SGCZ: variants seen among roughly 807,000 people sequenced by gnomAD.
The protein encoded by SGCZ is sarcoglycan zeta, also known as zeta-sarcoglycan.
A neutral mutation model predicts 41.3 loss-of-function variants in SGCZ; 40 were observed. That is an observed-to-expected ratio of 0.97 (90% CI 0.75 to 1.26). SGCZ has a LOEUF of 1.26. SGCZ is among the 50% of genes most tolerant of loss of function. SGCZ has a pLI of 0.00. For missense variants in SGCZ, 552 were observed against 369.8 expected, an observed-to-expected ratio of 1.49 and a Z score of -4.04; for synonymous variants, 206 against 137.5, an observed-to-expected ratio of 1.50 and a Z score of -3.49.
intron 2 of SGCZ, chr8:14,487,746 T>A (rs1801716192): frequency 1.3e-5 from 2 of 152,218 alleles, no homozygotes; most frequent in African/African-American, 4.8e-5. Context: ...TTTTAAGGTA[T>A]TCGTACCTCA....
At chr8:14,295,309 T>C (rs1585330608) in intron 3 of SGCZ, among the ~76,000 whole-genome samples, 2 of 152,170 alleles carry the variant, frequency 1.3e-5, no homozygotes, top group South Asian at 4.1e-4. Context: ...CAGAACTCAC[T>C]GTAGTAGCTG....
chr8:14,273,947 C>T (rs1800143097), intron 3 of SGCZ, among the ~76,000 whole-genome samples: 1 of 152,116 alleles, frequency 6.6e-6, no homozygotes, highest in African/African-American at 2.4e-5. Context: ...AGCAAACATA[C>T]CTACAAATTT....
chr8:14,737,931 A>C (rs1799094173), intron 1 of SGCZ, among the ~76,000 whole-genome samples: 1 of 152,124 alleles, frequency 6.6e-6, no homozygotes. Context: ...ATTCTATATT[A>C]AAAGCCAACC....
rs555669335 is a variant in SGCZ, at chr8:14,375,073, T to C, written c.235-50869A>G. 3.3e-5 allele frequency among the ~76,000 whole-genome samples: 5 copies of C among 151,932 alleles called. No homozygotes were observed. In the East Asian group the frequency reaches 5.8e-4, roughly 18 times the overall value. On this transcript the variant is annotated intron_variant, in intron 2 of 7. Transcript: ENST00000382080. ...AGTCACTGCAGAAGAGCTGAGGGAA[T>C]TGAGAGGCCAGAAAAGGGGGACAAT...
intron 1 of SGCZ, among the ~76,000 whole-genome samples, chr8:14,845,038 C>A (rs1234313684): frequency 1.3e-5 from 2 of 152,132 alleles, no homozygotes; most frequent in South Asian, 4.1e-4. Flanking sequence ...GAGACAAGAG[C>A]TGCATAGAGG....
intron 1 of SGCZ, among the ~76,000 whole-genome samples, chr8:14,871,998 A>C (rs1804174051): frequency 6.6e-6 from 1 of 151,936 alleles, no homozygotes; most frequent in South Asian, 2.1e-4. Flanking sequence ...ATAAAAAAGG[A>C]TGAGTTCATG....
chr8:14,568,924 G>C (rs1214961651), intron 1 of SGCZ, among the ~76,000 whole-genome samples: 1 of 152,186 alleles, frequency 6.6e-6, no homozygotes, highest in East Asian at 1.9e-4. Context: ...GGCATGGTGG[G>C]AGGAAGTGAA....
intron 2 of SGCZ, among the ~76,000 whole-genome samples, chr8:14,521,511 A>C (rs1312807997): frequency 6.6e-6 from 1 of 152,138 alleles, no homozygotes; most frequent in Non-Finnish European, 1.5e-5. Context: ...GCTGATTCAT[A>C]TTCCACAGTG....
chr8:15,070,358 A>G (rs1003221412), intron 1 of SGCZ, among the ~76,000 whole-genome samples: 1 of 152,216 alleles, frequency 6.6e-6, no homozygotes, highest in African/African-American at 2.4e-5. Context: ...ATTTATATAT[A>G]CATGCTTGTT....
chr8:14,252,151 C>A (rs1799311172), intron 3 of SGCZ, among the ~76,000 whole-genome samples: 1 of 152,104 alleles, frequency 6.6e-6, no homozygotes, highest in Admixed American at 6.6e-5. Context: ...CCTTTCATGT[C>A]TCTTTAATGC....
chr8:14,400,715 T>A (rs1168352610), intron 2 of SGCZ, among the ~76,000 whole-genome samples: 1 of 152,050 alleles, frequency 6.6e-6, no homozygotes, highest in Non-Finnish European at 1.5e-5. Flanking sequence ...TATTCTTGAG[T>A]CTGTGTTTTT....
At chr8:14,938,669 CA>C (rs1233175963) in intron 1 of SGCZ, among the ~76,000 whole-genome samples, 1 of 151,942 alleles carries the variant, frequency 6.6e-6, no homozygotes, top group African/African-American at 2.4e-5. Flanking sequence ...ACTATTTAGC[CA>C]TAAAAAAGAA....
At chr8:14,355,514 A>C (rs1803262111) in intron 2 of SGCZ, among the ~76,000 whole-genome samples, 1 of 152,024 alleles carries the variant, frequency 6.6e-6, no homozygotes, top group African/African-American at 2.4e-5. Context: ...TCTTGGTAAA[A>C]ATTCACTTAA....
At chr8:14,350,099 G>A (rs556843099) in intron 2 of SGCZ, among the ~76,000 whole-genome samples, 18 of 152,140 alleles carry the variant, frequency 1.2e-4, no homozygotes, top group African/African-American at 3.9e-4. Flanking sequence ...CTCGTGACTT[G>A]GAAAATGTCT....
chr8:14,466,262 TTTTG>T (rs1198249562), intron 2 of SGCZ, among the ~76,000 whole-genome samples: 3 of 151,968 alleles, frequency 2.0e-5, no homozygotes, highest in Admixed American at 6.6e-5. Flanking sequence ...TTGCCAGTTT[TTTTG>T]TTTGTTTGCT....
chr8:15,179,138 T>G (rs1266184363), intron 1 of SGCZ, among the ~76,000 whole-genome samples: 1 of 152,164 alleles, frequency 6.6e-6, no homozygotes, highest in Non-Finnish European at 1.5e-5. Context: ...TAAATTTTAA[T>G]AGTCTAGAGA....
intron 2 of SGCZ, among the ~76,000 whole-genome samples, chr8:14,498,686 C>A (rs567656497): frequency 6.6e-6 from 1 of 151,876 alleles, no homozygotes. Context: ...CTGTTTAACA[C>A]TTGTTGATTA....
intron 5 of SGCZ, 81 bp downstream of exon 5, chr8:14,164,499 C>T: frequency 6.5e-7 from 1 of 1,531,582 alleles, no homozygotes; most frequent in Non-Finnish European, 8.9e-7. Flanking sequence ...TAGGAATCAT[C>T]CATCTTATTA....
intron 1 of SGCZ, among the ~76,000 whole-genome samples, chr8:14,745,313 C>T (rs1384806051): frequency 6.6e-6 from 1 of 152,124 alleles, no homozygotes; most frequent in Non-Finnish European, 1.5e-5. Flanking sequence ...GCAGTCACTA[C>T]TAAGATTTCA....
Sources: allele counts gnomAD v4.1 joint callset (sites outside exome capture counted in the v4.1 genomes callset), GRCh38; gene constraint gnomAD v4.1.1; transcripts MANE v1.5; gene names NCBI Gene and HGNC (gene_info 2026-07-23, HGNC 2026-07-21).